Variants in UNC5B observed in about 807,000 individuals in gnomAD.
UNC5B encodes netrin receptor UNC5B.
In UNC5B, 56 loss-of-function variants were observed where a neutral mutation model predicts 103.7. The observed-to-expected ratio is 0.54, with a 90% CI of 0.44 to 0.67. The LOEUF is 0.67. UNC5B is among the 30% of genes least tolerant of loss of function. The pLI is 0.00. For missense variants in UNC5B, 1,194 were observed against 1,284.5 expected, an observed-to-expected ratio of 0.93 and a Z score of 1.08; for synonymous variants, 577 against 542.0, an observed-to-expected ratio of 1.06 and a Z score of -0.90.
At chr10:71,276,278 C>T (rs751286248) in intron 1 of UNC5B, among the ~76,000 whole-genome samples, 5 of 152,080 alleles carry the variant, frequency 3.3e-5, no homozygotes, top group African/African-American at 9.7e-5. Flanking sequence ...ACTCTCTGAG[C>T]GGCGCCTGGC....
chr10:71,225,005 T>A (rs533168119), intron 1 of UNC5B, among the ~76,000 whole-genome samples: 21 of 152,300 alleles, frequency 1.4e-4, no homozygotes, highest in African/African-American at 5.1e-4. Context: ...GTCTGAGGGT[T>A]ATCAGCGAGG....
chr10:71,296,619 C>A lies in UNC5B; in HGVS notation c.2367C>A (p.Ala789=), dbSNP rs1845420546. The A allele has an allele frequency of 6.2e-7, 1 of 1,613,858 alleles. No individual in the cohort carries two copies. The highest frequency in any genetic ancestry group is 1.3e-5 in the African/African-American group (1 of 74,940). Residue 789 remains alanine (A), a synonymous_variant, in exon 15 of 17, where the codon GCC becomes GCA. Coordinates refer to ENST00000335350, the MANE Select transcript of UNC5B (RefSeq NM_170744.5). ...FYHIWSGSQK[A]LHCTFTLERH... is the part of the protein sequence containing the mutation. ...ACATTTGGAGTGGCAGCCAGAAGGCCCTCCACTGCACTTTCACCCTGGAGA... is the reference window on the plus strand; with the variant it reads ...ACATTTGGAGTGGCAGCCAGAAGGCACTCCACTGCACTTTCACCCTGGAGA...
At chr10:71,270,949 G>C (rs967474025) in intron 1 of UNC5B, among the ~76,000 whole-genome samples, 2 of 152,222 alleles carry the variant, frequency 1.3e-5, no homozygotes, top group Admixed American at 1.3e-4. Flanking sequence ...CCTGGGTGGG[G>C]CTCTCAGGGT....
chr10:71,216,844 A>G (rs1392265068), intron 1 of UNC5B, among the ~76,000 whole-genome samples: 2 of 152,128 alleles, frequency 1.3e-5, no homozygotes, highest in African/African-American at 2.4e-5. Flanking sequence ...TTCCATTCCA[A>G]GTGCTCTCGG....
In UNC5B at chr10:71,285,445, G is replaced by A; in HGVS notation, c.552+16G>A. The A allele has an allele frequency of 6.4e-7, 1 of 1,570,946 alleles. No homozygotes were observed. The highest frequency in any genetic ancestry group is 8.6e-7 in the Non-Finnish European group (1 of 1,161,726). On this transcript the variant is annotated intron_variant, in intron 4 of 16. Coordinates refer to ENST00000335350, the MANE Select transcript of UNC5B (RefSeq NM_170744.5). ...TGTGGCCGAGGTGAGCGGGGACGTAGGGACCACTGAGCACGGCCCTGTGGC... is the reference window on the plus strand; with the variant it reads ...TGTGGCCGAGGTGAGCGGGGACGTAAGGACCACTGAGCACGGCCCTGTGGC...
chr10:71,270,356 GAGGGAGGGAGGGAGGGTGGGAGGC>G (rs1844614410), intron 1 of UNC5B, among the ~76,000 whole-genome samples: 2 of 140,040 alleles, frequency 1.4e-5, no homozygotes, highest in African/African-American at 5.3e-5. Context: ...GGGAGGGAGG[GAGGGAGGGAGGGAGGGTGGGAGGC>G]AGGGAGGGAG....
chr10:71,294,047 C>T, intron 13 of UNC5B, 114 bp downstream of exon 13: 1 of 956,948 alleles, frequency 1.0e-6, no homozygotes, highest in Non-Finnish European at 1.5e-6. Context: ...CCGCCACCAG[C>T]ATTATTAGGT....
intron 8 of UNC5B, among the ~76,000 whole-genome samples, chr10:71,290,166 A>G (rs1290327668): frequency 1.3e-5 from 2 of 152,228 alleles, no homozygotes; most frequent in Non-Finnish European, 1.5e-5. Flanking sequence ...TTCAGGAGCC[A>G]TATGTGACTA....
At chr10:71,236,378 G>C (rs1039117167) in intron 1 of UNC5B, among the ~76,000 whole-genome samples, 1 of 152,068 alleles carries the variant, frequency 6.6e-6, no homozygotes, top group Non-Finnish European at 1.5e-5. Flanking sequence ...TAAAACATGT[G>C]GGGGAAGGGA....
At position 71,291,685 on chromosome 10, in the gene UNC5B, C is replaced by T. The variant is rs1410119130; in HGVS notation, c.1548C>T (p.Ala516=). Residue 516 remains alanine, a synonymous_variant, in exon 10 of 17, where the codon GCC becomes GCT. Coordinates refer to ENST00000335350, the MANE Select transcript of UNC5B (RefSeq NM_170744.5). ...CTGGCACATACCCTAGCGATTTCGC[C>T]CGGGACACCCACTTCCTGCACCTGC... is the stretch of plus-strand genomic sequence containing the variant. The part of the protein sequence containing the change: ...LPPGTYPSDF[A]RDTHFLHLRS... 42 of 1,613,526 alleles carry T rather than the reference C, an allele frequency of 2.6e-5. No individual in the cohort carries two copies. The highest frequency in any genetic ancestry group is 3.6e-5 in the Non-Finnish European group (42 of 1,180,038).
intron 1 of UNC5B, among the ~76,000 whole-genome samples, chr10:71,238,220 G>A (rs1004027785): frequency 3.3e-5 from 5 of 152,168 alleles, no homozygotes; most frequent in African/African-American, 1.2e-4. Context: ...CCACAGGAAG[G>A]GGTTGCTCGA....
Position 71,213,381 on chromosome 10 carries a change from C to T in UNC5B, c.79+317C>T, listed in dbSNP as rs544923973. On this transcript the variant is annotated intron_variant, in intron 1 of 16. Transcript: ENST00000335350. This position sits in a 1 kb window ranked among gnomAD's most constrained non-coding sequence, Gnocchi z 4.1. ...GGAGGATCCGCCTCCTGGGGACGCCCGGCTCTCCGCGCGCCTGGCATCCGC... is the reference window on the plus strand; with the variant it reads ...GGAGGATCCGCCTCCTGGGGACGCCTGGCTCTCCGCGCGCCTGGCATCCGC... 6.6e-6 allele frequency among the ~76,000 whole-genome samples: 1 copy of T among 152,094 alleles called. No individual in the cohort carries two copies. Among genetic ancestry groups the T allele is most frequent in the Non-Finnish European group, 1.5e-5 (1 of 68,002 alleles).
intron 1 of UNC5B, among the ~76,000 whole-genome samples, chr10:71,224,466 C>CT (rs145183223): frequency 0.028 from 4,222 of 150,840 alleles, 200 homozygotes; most frequent in African/African-American, 0.097. Context: ...AAACTGGATT[C>CT]TTTTTTTTCT....
At position 71,286,688 on chromosome 10, in the gene UNC5B, G is replaced by C. The variant is rs1273472029; in HGVS notation, c.553-1G>C. 1 of 1,613,972 alleles carries C rather than the reference G, an allele frequency of 6.2e-7. No homozygotes were observed. Among genetic ancestry groups the C allele is most frequent in the African/African-American group, 1.3e-5 (1 of 74,916 alleles). On this transcript the variant is annotated splice_acceptor_variant, in intron 4 of 16. Transcript: ENST00000335350. LOFTEE classifies it high-confidence loss of function. ...CTGCCCCCTCACCCCCACTCTTGCA[G>C]GTGGAATGGCTCAAGAATGAGGATG... is the stretch of plus-strand genomic sequence containing the variant.
At chr10:71,253,034 C>T (rs1844208721) in intron 1 of UNC5B, among the ~76,000 whole-genome samples, 1 of 152,174 alleles carries the variant, frequency 6.6e-6, no homozygotes, top group Non-Finnish European at 1.5e-5. Context: ...TTCTCAGGAC[C>T]CCAGGCATTT....
At chr10:71,274,670 A>G (rs2132293885) in intron 1 of UNC5B, among the ~76,000 whole-genome samples, 1 of 152,198 alleles carries the variant, frequency 6.6e-6, no homozygotes, top group South Asian at 2.1e-4. Flanking sequence ...TAGAGGTGAG[A>G]GTTTGGATGG....
At chr10:71,283,950 C>G (rs1198826429) in intron 2 of UNC5B, among the ~76,000 whole-genome samples, 1 of 152,204 alleles carries the variant, frequency 6.6e-6, no homozygotes, top group East Asian at 1.9e-4. Flanking sequence ...GTGCCAAGCC[C>G]TGGGCCACAG....
chr10:71,284,300 C>A (rs1168252003), intron 2 of UNC5B, among the ~76,000 whole-genome samples: 1 of 152,046 alleles, frequency 6.6e-6, no homozygotes, highest in Non-Finnish European at 1.5e-5. Context: ...GCTGCAGAGC[C>A]AGGGAACATG....
chr10:71,217,501 T>C (rs2132234162), intron 1 of UNC5B: 1 of 152,272 alleles, frequency 6.6e-6, no homozygotes, highest in East Asian at 1.9e-4. Context: ...GGCCCCCGAC[T>C]GGGAGTTGGG....
Sources: allele counts gnomAD v4.1 joint callset (sites outside exome capture counted in the v4.1 genomes callset), GRCh38; gene constraint gnomAD v4.1.1; non-coding constraint Gnocchi (gnomAD v3.1); transcripts MANE v1.5; gene names NCBI Gene and HGNC (gene_info 2026-07-23, HGNC 2026-07-21).